DENND1A: variants seen among roughly 807,000 people sequenced by gnomAD.
DENND1A encodes DENN domain containing 1A.
In DENND1A, 51 loss-of-function variants were observed where a neutral mutation model predicts 113.7. The ratio of observed to expected loss-of-function variants is 0.45; its 90% CI spans 0.36 to 0.57. The LOEUF is 0.57. DENND1A is among the 20% of genes least tolerant of loss of function. The pLI is 0.00. For missense variants in DENND1A, 1,258 were observed against 1,395.9 expected, an observed-to-expected ratio of 0.90 and a Z score of 1.57; for synonymous variants, 565 against 570.8, an observed-to-expected ratio of 0.99 and a Z score of 0.14.
intron 9 of DENND1A, among the ~76,000 whole-genome samples, chr9:123,635,334 C>T (rs181299516): frequency 2.4e-4 from 37 of 152,170 alleles, no homozygotes; most frequent in African/African-American, 8.7e-4. Flanking sequence ...CCACATTTCA[C>T]AGATTAGGAA....
At chr9:123,412,495 C>T (rs1248994637) in intron 19 of DENND1A, among the ~76,000 whole-genome samples, 1 of 152,246 alleles carries the variant, frequency 6.6e-6, no homozygotes, top group Non-Finnish European at 1.5e-5. Flanking sequence ...CAAGGGGGTT[C>T]ATCCCTATGC....
intron 22 of DENND1A, 122 bp from the exon 23 acceptor site, chr9:123,384,035 G>C: frequency 7.7e-7 from 1 of 1,296,810 alleles, no homozygotes; most frequent in Non-Finnish European, 1.0e-6. Flanking sequence ...GGACAGGAGA[G>C]TGTCCCGGGG....
intron 9 of DENND1A, among the ~76,000 whole-genome samples, chr9:123,642,209 A>C (rs1042362573): frequency 6.6e-6 from 1 of 152,268 alleles, no homozygotes; most frequent in African/African-American, 2.4e-5. Context: ...AATGAAGAAT[A>C]TAGTTCAACA....
At position 123,568,777 on chromosome 9, in the gene DENND1A, G is replaced by A. The variant is rs76323600; in HGVS notation, c.868-11082C>T. Among the ~76,000 whole-genome samples the A allele has an allele frequency of 4.7e-3, 708 of 152,208 alleles. 5 individuals carry two copies. Among genetic ancestry groups the A allele is most frequent in the African/African-American group, 0.016 (674 of 41,524 alleles). On this transcript the variant is annotated intron_variant, in intron 12 of 23. Coordinates refer to ENST00000394215, the MANE Select transcript of DENND1A (RefSeq NM_001352964.2). Reference sequence around the variant, plus strand: ...CGAGATATCTCCCAAGGGGATCCGGGCATCTCCACCTCCTCAGGGGAGGAA... The same window carrying A: ...CGAGATATCTCCCAAGGGGATCCGGACATCTCCACCTCCTCAGGGGAGGAA...
intron 10 of DENND1A, among the ~76,000 whole-genome samples, chr9:123,624,324 A>G (rs905343333): frequency 4.6e-5 from 7 of 152,234 alleles, no homozygotes; most frequent in Non-Finnish European, 8.8e-5. Context: ...GTTACTGGGC[A>G]TAATAGAATG....
chr9:123,381,025 A>T lies in DENND1A; in HGVS notation c.*407T>A. The T allele has an allele frequency of 4.8e-6, 1 of 208,170 alleles. No individual in the cohort carries two copies. The highest frequency in any genetic ancestry group is 9.7e-6 in the Non-Finnish European group (1 of 103,188). 12.9% of individuals were successfully genotyped at this position (208,170 alleles called of 1,614,324 possible). On this transcript the variant is annotated 3_prime_UTR_variant, in exon 24 of 24. Transcript: ENST00000394215. This position sits in a 1 kb window ranked among gnomAD's most constrained non-coding sequence, Gnocchi z 4.7. ...CCTGTGTCCGAGGAGGTGGGCGTGC[A>T]GGGCCTGGCTGTGGAGGAGACAGGA...
At chr9:123,710,534 AACACACAC>A (rs59599155) in intron 5 of DENND1A, among the ~76,000 whole-genome samples, 113 of 116,738 alleles carry the variant, frequency 9.7e-4, no homozygotes, top group African/African-American at 3.0e-3. Flanking sequence ...AGCCTCATTA[AACACACAC>A]ACACACACAC....
intron 2 of DENND1A, among the ~76,000 whole-genome samples, chr9:123,807,116 GC>G (rs1835719196): frequency 6.6e-6 from 1 of 152,118 alleles, no homozygotes; most frequent in African/African-American, 2.4e-5. Flanking sequence ...TACTGTAATA[GC>G]AGTTATCATT....
chr9:123,393,555 AGGT>A (rs1395347183), intron 21 of DENND1A, among the ~76,000 whole-genome samples: 1 of 151,630 alleles, frequency 6.6e-6, no homozygotes, highest in African/African-American at 2.4e-5. Flanking sequence ...AAAAAAAAGA[AGGT>A]GGCTCTGAAC....
Position 123,457,328 on chromosome 9 carries a change from G to C in DENND1A, c.1186+20C>G. 1 of 1,601,604 alleles carries C rather than the reference G, an allele frequency of 6.2e-7. No homozygotes were observed. The highest frequency in any genetic ancestry group is 8.6e-7 in the Non-Finnish European group (1 of 1,168,630). ...TGATAGCAGCCTGCAGCCCCGGAAG[G>C]AAAATGAGTTGCTTCTCACCAGCGT... On this transcript the variant is annotated intron_variant, in intron 15 of 23. Transcript: ENST00000394215.
intron 5 of DENND1A, among the ~76,000 whole-genome samples, chr9:123,748,530 G>A (rs1036226782): frequency 7.2e-5 from 11 of 152,130 alleles, no homozygotes; most frequent in African/African-American, 2.4e-4. Context: ...GCTTCCTACT[G>A]CTTCTAAAAC....
chr9:123,697,620 C>G lies in DENND1A; in HGVS notation c.303-20831G>C, dbSNP rs145549124. Among the ~76,000 whole-genome samples, 31 of 152,284 alleles carry G rather than the reference C, an allele frequency of 2.0e-4. 1 individual carries two copies. The East Asian group carries it at 5.8e-3, about 28-fold the overall frequency. Reference sequence around the variant, plus strand: ...TCCTCATAGCTTAGCTCCCACATATCAGTGAGAACATACGGTGTTTGGTTT... The same window carrying G: ...TCCTCATAGCTTAGCTCCCACATATGAGTGAGAACATACGGTGTTTGGTTT... On this transcript the variant is annotated intron_variant, in intron 5 of 23. Coordinates refer to ENST00000394215, the MANE Select transcript of DENND1A (RefSeq NM_001352964.2).
At chr9:123,637,475 G>A (rs1276722489) in intron 9 of DENND1A, among the ~76,000 whole-genome samples, 1 of 152,120 alleles carries the variant, frequency 6.6e-6, no homozygotes, top group East Asian at 1.9e-4. Context: ...ATTCTTAAAT[G>A]ACAAATCCTC....
In DENND1A at chr9:123,587,566, T is replaced by TC. The variant is rs964883805; in HGVS notation, c.766-4297dup. ...CCTATCTTATCCATATGGACAGGCG[T>TC]CCCCCCATGCGTCCGTTTATAGGCT... is the stretch of plus-strand genomic sequence containing the variant. On this transcript the variant is annotated intron_variant, in intron 11 of 23. Coordinates refer to ENST00000394215, the MANE Select transcript of DENND1A (RefSeq NM_001352964.2). Among the ~76,000 whole-genome samples, 79 of 151,926 alleles carry TC rather than the reference T, an allele frequency of 5.2e-4. 1 individual carries two copies. Among genetic ancestry groups the TC allele is most frequent in the South Asian group, 2.1e-3 (10 of 4,798 alleles).
Position 123,381,470 on chromosome 9 carries a change from C to G in DENND1A, c.3175G>C (p.Val1059Leu), listed in dbSNP as rs2042262173. 2.8e-5 allele frequency: 45 copies of G among 1,613,416 alleles called. No individual in the cohort carries two copies. The highest frequency in any genetic ancestry group is 3.8e-5 in the Non-Finnish European group (45 of 1,179,986). ...TCCCACTGCTTCCTGAGCTGCTCCA[C>G]CGAGTCTGGGGCCGGGGCCAGGGCC... Reference protein sequence around the residue: ...SPALAPAPDSVEQLRKQWETF... With the variant: ...SPALAPAPDSLEQLRKQWETF... The change falls in exon 24 of 24, where the codon GTG (valine) becomes CTG (leucine). Residue 1059 changes from valine (V) to leucine (L), a missense_variant. Transcript: ENST00000394215. The surrounding 1 kb of genome is among the most constrained non-coding windows in gnomAD (Gnocchi z 4.7).
chr9:123,914,618 T>G (rs1392206078), intron 1 of DENND1A, among the ~76,000 whole-genome samples: 1 of 151,540 alleles, frequency 6.6e-6, no homozygotes, highest in East Asian at 1.9e-4. Flanking sequence ...TGGCTCATAG[T>G]TCTGTAGGCT....
At chr9:123,683,875 C>CT (rs1464828429) in intron 5 of DENND1A, among the ~76,000 whole-genome samples, 3 of 152,186 alleles carry the variant, frequency 2.0e-5, no homozygotes, top group Non-Finnish European at 2.9e-5. Context: ...TTAATTACCA[C>CT]TAGAGCTACA....
intron 13 of DENND1A, among the ~76,000 whole-genome samples, chr9:123,536,114 G>C (rs1244723801): frequency 1.3e-5 from 2 of 152,114 alleles, no homozygotes; most frequent in Non-Finnish European, 2.9e-5. Flanking sequence ...ATGCAAGCAG[G>C]CAAGTACAAA....
chr9:123,858,861 T>G (rs1386825782), intron 2 of DENND1A, among the ~76,000 whole-genome samples: 1 of 151,938 alleles, frequency 6.6e-6, no homozygotes, highest in East Asian at 1.9e-4. Flanking sequence ...AAAATACACA[T>G]GTAAACCGAG....
Sources: allele counts gnomAD v4.1 joint callset (sites outside exome capture counted in the v4.1 genomes callset), GRCh38; gene constraint gnomAD v4.1.1; non-coding constraint Gnocchi (gnomAD v3.1); transcripts MANE v1.5; gene names NCBI Gene and HGNC (gene_info 2026-07-23, HGNC 2026-07-21).